The following SMOC1 variants were observed in gnomAD, a reference collection of about 807,000 sequenced individuals.
SMOC1 encodes SPARC related modular calcium binding 1, also known as SPARC-related modular calcium-binding protein 1.
In SMOC1, 22 loss-of-function variants were observed where a neutral mutation model predicts 56.3. The observed-to-expected ratio is 0.39, with a 90% confidence interval of 0.28 to 0.56. SMOC1 has a LOEUF of 0.56. Ranked by LOEUF, SMOC1 falls within the 20% of genes least tolerant of loss-of-function variation. The pLI is 0.61. For synonymous variants in SMOC1, 193 were observed against 215.0 expected (o/e 0.90, Z 0.89); for missense variants, 509 against 565.4 (o/e 0.90, Z 1.01).
intron 3 of SMOC1, among the ~76,000 whole-genome samples, chr14:69,962,698 T>A (rs1269212363): frequency 6.6e-6 from 1 of 152,090 alleles, no homozygotes; most frequent in Non-Finnish European, 1.5e-5. Context: ...CACCTCAGCC[T>A]CTTGAGTAGG....
At chr14:69,915,912 C>G (rs938733249) in intron 1 of SMOC1, among the ~76,000 whole-genome samples, 1 of 152,214 alleles carries the variant, frequency 6.6e-6, no homozygotes, top group South Asian at 2.1e-4. Flanking sequence ...CCTCAGGGCT[C>G]AGCCCTAGGA....
chr14:69,911,545 G>A (rs959453337), intron 1 of SMOC1, among the ~76,000 whole-genome samples: 1 of 152,138 alleles, frequency 6.6e-6, no homozygotes, highest in Non-Finnish European at 1.5e-5. Flanking sequence ...CTGACAACCA[G>A]TGGTCTGTTT....
At chr14:69,999,532 T>C (rs1312819140) in intron 7 of SMOC1, among the ~76,000 whole-genome samples, 2 of 152,230 alleles carry the variant, frequency 1.3e-5, no homozygotes, top group African/African-American at 4.8e-5. Context: ...GGTCTGGGCT[T>C]GTGTGCATTT....
At chr14:69,978,569 A>G (rs944036023) in intron 5 of SMOC1, among the ~76,000 whole-genome samples, 2 of 152,116 alleles carry the variant, frequency 1.3e-5, no homozygotes, top group African/African-American at 4.8e-5. Flanking sequence ...GAACCTTGTC[A>G]CCTCATTAGC....
chr14:69,923,528 TTCTC>T (rs1192727550), intron 1 of SMOC1, among the ~76,000 whole-genome samples: 1 of 152,138 alleles, frequency 6.6e-6, no homozygotes, highest in Non-Finnish European at 1.5e-5. Flanking sequence ...TCCTGCTCTG[TTCTC>T]TCTCAGTGCG....
chr14:70,012,182 C>T (rs902821978), intron 9 of SMOC1, among the ~76,000 whole-genome samples: 1 of 152,188 alleles, frequency 6.6e-6, no homozygotes, highest in Non-Finnish European at 1.5e-5. Context: ...GGCCACCTTC[C>T]CATGACCTAT....
At chr14:69,989,409 C>T (rs1272274429) in intron 5 of SMOC1, among the ~76,000 whole-genome samples, 2 of 152,164 alleles carry the variant, frequency 1.3e-5, no homozygotes, top group Non-Finnish European at 2.9e-5. Context: ...GTAAGGTTTA[C>T]CTTATTTTCA....
At chr14:69,975,679 C>A in intron 3 of SMOC1, 36 bp from the exon 4 acceptor site, 1 of 1,490,236 alleles carries the variant, frequency 6.7e-7, no homozygotes, top group Non-Finnish European at 9.4e-7. Flanking sequence ...GTGACCGAGA[C>A]TTATGGTTTT....
At chr14:69,954,411 C>T (rs1883114926) in intron 3 of SMOC1, among the ~76,000 whole-genome samples, 1 of 152,224 alleles carries the variant, frequency 6.6e-6, no homozygotes, top group Non-Finnish European at 1.5e-5. Context: ...TCAAGTGATC[C>T]TCCCACCTCA....
rs1885063421 is a variant in SMOC1, at chr14:70,003,982, G to A, written c.665-6772G>A. Among the ~76,000 whole-genome samples the A allele has an allele frequency of 2.0e-5, 3 of 152,024 alleles. 1 individual carries two copies. Among genetic ancestry groups the A allele is most frequent in the African/African-American group, 7.3e-5 (3 of 41,378 alleles). Reference sequence around the variant, plus strand: ...GTCCTTTTTTGTGTCCTCTTCCTGGGCCCTAATCTCATTTTCTACTCAGGA... The same window carrying A: ...GTCCTTTTTTGTGTCCTCTTCCTGGACCCTAATCTCATTTTCTACTCAGGA... On this transcript the variant is annotated intron_variant, in intron 7 of 11. Transcript: ENST00000361956.
chr14:70,031,018 G>A lies in SMOC1; in HGVS notation c.*760G>A, dbSNP rs78968793. ...GAGGGTCCGTGCATTCCTGCTCTCC[G>A]GACCCCCAAAGGGCCCAGCATTGGT... On this transcript the variant is annotated 3_prime_UTR_variant, in exon 12 of 12. Coordinates refer to ENST00000361956, the MANE Select transcript of SMOC1 (RefSeq NM_001034852.3). 0.022 allele frequency: 3,298 copies of A among 152,116 alleles called. 106 individuals are homozygous for A. Among genetic ancestry groups the A allele is most frequent in the South Asian group, 0.081 (389 of 4,796 alleles). 9.4% of individuals were successfully genotyped at this position (152,116 alleles called of 1,614,324 possible). A position where few individuals can be genotyped will look rare whatever the true frequency, so the allele number is the denominator to read the frequency against.
chr14:69,890,381 A>T (rs540952632), intron 1 of SMOC1, among the ~76,000 whole-genome samples: 1 of 152,240 alleles, frequency 6.6e-6, no homozygotes, highest in African/African-American at 2.4e-5. Flanking sequence ...AAAAAGAAAG[A>T]TGGTTTATGT....
At chr14:69,915,364 G>A (rs955905027) in intron 1 of SMOC1, among the ~76,000 whole-genome samples, 1 of 152,022 alleles carries the variant, frequency 6.6e-6, no homozygotes, top group African/African-American at 2.4e-5. Flanking sequence ...GCATCTGTAC[G>A]GGGCAAACCC....
At chr14:69,978,073 G>T in intron 5 of SMOC1, 108 bp downstream of exon 5, 1 of 879,684 alleles carries the variant, frequency 1.1e-6, no homozygotes, top group African/African-American at 1.6e-5. Flanking sequence ...AAGGTGTCCC[G>T]CAGAACATCT....
chr14:70,013,485 G>A lies in SMOC1; in HGVS notation c.1040G>A (p.Gly347Asp). ...QAINSAAPTG[G>D]GRFSEPDPSH... is the part of the protein sequence containing the mutation. ...ATTAACTCAGCAGCGCCCACTGGAG[G>A]TGGGAGGTGAGATTGTGAGCAGGAA... Residue 347 changes from glycine to aspartate, a missense_variant, in exon 10 of 12, where the codon GGT becomes GAT. By Grantham distance (94) the Gly-to-Asp change is moderately conservative. Around this residue, in one of 3 missense-constraint regions of SMOC1, gnomAD observed 176 missense variants for 188.1 expected, o/e 0.94. Transcript: ENST00000361956. 1.2e-6 allele frequency: 2 copies of A among 1,614,098 alleles called. No individual in the cohort carries two copies. The highest frequency in any genetic ancestry group is 8.5e-7 in the Non-Finnish European group (1 of 1,179,964).
chr14:69,918,626 A>C (rs1469410279), intron 1 of SMOC1, among the ~76,000 whole-genome samples: 1 of 152,200 alleles, frequency 6.6e-6, no homozygotes, highest in African/African-American at 2.4e-5. Flanking sequence ...TAAGTAACAG[A>C]ACTTCCGTGT....
intron 1 of SMOC1, among the ~76,000 whole-genome samples, chr14:69,940,042 C>G (rs1358363107): frequency 6.6e-6 from 1 of 152,206 alleles, no homozygotes; most frequent in Non-Finnish European, 1.5e-5. Flanking sequence ...TCAAGGGGAA[C>G]TTGAATCTTT....
chr14:69,985,627 C>A (rs2139525164), intron 5 of SMOC1, among the ~76,000 whole-genome samples: 1 of 152,286 alleles, frequency 6.6e-6, no homozygotes, highest in Admixed American at 6.5e-5. Flanking sequence ...AAGTTGTGAG[C>A]CATTCTGAGT....
chr14:70,030,253 G>A lies in SMOC1; in HGVS notation c.1303G>A (p.Val435Ile), dbSNP rs192204434. 58 of 1,603,924 alleles carry A rather than the reference G, an allele frequency of 3.6e-5. No individual in the cohort carries two copies. Among genetic ancestry groups the A allele is most frequent in the Non-Finnish European group, 4.5e-5 (53 of 1,178,598 alleles). The change falls in exon 12 of 12, where the codon GTC becomes ATC. Residue 435 changes from valine (V) to isoleucine (I), a missense_variant. Coordinates refer to ENST00000361956, the MANE Select transcript of SMOC1 (RefSeq NM_001034852.3). ...LGVSKEVGRL[V>I] is the part of the protein sequence containing the mutation. ...CTTCCTTCTCTCAGTAGGACGCCTC[G>A]TCTAAGGAGCAGAAAACCCAAGGGC...
Sources: allele counts gnomAD v4.1 joint callset (sites outside exome capture counted in the v4.1 genomes callset), GRCh38; gene constraint gnomAD v4.1.1; regional missense constraint gnomAD v4.1.1; transcripts MANE v1.5; gene names NCBI Gene and HGNC (gene_info 2026-07-23, HGNC 2026-07-21).